Variants in TOMM70 observed in about 807,000 individuals in gnomAD.
TOMM70 encodes the protein mitochondrial import receptor subunit TOM70.
Under a neutral mutation model 73.6 loss-of-function variants are expected in TOMM70, and 13 were observed. That is an observed-to-expected ratio of 0.18 (90% CI 0.11 to 0.28). The LOEUF (loss-of-function observed/expected upper bound fraction) is 0.28. TOMM70 is among the 10% of genes least tolerant of loss of function. The pLI is 1.00. For missense variants in TOMM70, 609 were observed against 747.5 expected, an observed-to-expected ratio of 0.81 and a Z score of 2.16; for synonymous variants, 257 against 271.2, an observed-to-expected ratio of 0.95 and a Z score of 0.51.
chr3:100,385,429 C>A (rs1706680109), intron 3 of TOMM70, among the ~76,000 whole-genome samples: 1 of 152,048 alleles, frequency 6.6e-6, no homozygotes, highest in Non-Finnish European at 1.5e-5. Flanking sequence ...AAAATACCCT[C>A]ATTTGGTAAT....
intron 1 of TOMM70, among the ~76,000 whole-genome samples, chr3:100,387,599 G>GACACAGACACACACACACAC: frequency 8.5e-6 from 1 of 118,216 alleles, no homozygotes; most frequent in East Asian, 2.3e-4. Flanking sequence ...CACAGACACA[G>GACACAGACACACACACACAC]ACACACACAC....
chr3:100,377,698 A>C lies in TOMM70; in HGVS notation c.1092+7T>G. 6.3e-7 allele frequency: 1 copy of C among 1,597,588 alleles called. No individual in the cohort carries two copies. The highest frequency in any genetic ancestry group is 8.6e-7 in the Non-Finnish European group (1 of 1,166,996). On this transcript the variant is annotated splice_region_variant and intron_variant, in intron 6 of 11. Transcript: ENST00000284320. ...AATAATTTCTTCACACACATTTTTTAATGTACCTTCACATTAGCTTCTTTC... is the reference window on the plus strand; with the variant it reads ...AATAATTTCTTCACACACATTTTTTCATGTACCTTCACATTAGCTTCTTTC...
chr3:100,372,900 T>A (rs1218984233), intron 8 of TOMM70, among the ~76,000 whole-genome samples, 178 bp from the exon 9 acceptor site: 1 of 152,166 alleles, frequency 6.6e-6, no homozygotes, highest in Non-Finnish European at 1.5e-5. Context: ...AAAGGTTATG[T>A]ACAACTAGGA....
At position 100,365,691 on chromosome 3, in the gene TOMM70, A is replaced by T. The variant is rs747538701; in HGVS notation, c.1700T>A (p.Met567Lys). 2.5e-6 allele frequency: 4 copies of T among 1,614,182 alleles called. No individual in the cohort carries two copies. The Admixed American group carries it at 6.7e-5, about 27-fold the overall frequency. Residue 567 changes from methionine (M) to lysine (K), a missense_variant, in exon 12 of 12, where the codon ATG becomes AAG. Around this residue, in one of 2 missense-constraint regions of TOMM70, gnomAD observed 432 missense variants for 584.1 expected, o/e 0.74. Transcript: ENST00000284320. ...QRGNMEKAID[M>K]FNKAINLAKS... Reference sequence around the variant, plus strand: ...GGCCAGGTTAATAGCTTTGTTGAACATGTCAATGGCTTTCTCCATGTTTCC... The same window carrying T: ...GGCCAGGTTAATAGCTTTGTTGAACTTGTCAATGGCTTTCTCCATGTTTCC...
rs1440578371 is a variant in TOMM70 at position 100,369,133 on chromosome 3, T to C, written c.1455A>G (p.Ala485=). Residue 485 remains alanine, a splice_region_variant and synonymous_variant, in exon 10 of 12, where the codon GCA becomes GCG. Coordinates refer to ENST00000284320, the MANE Select transcript of TOMM70 (RefSeq NM_014820.5). Reference sequence around the variant, plus strand: ...TACCAAACTGTTGTTGATCTGTTAATGCCTATGTGAGGAGATACTTCAGTT... The same window carrying C: ...TACCAAACTGTTGTTGATCTGTTAACGCCTATGTGAGGAGATACTTCAGTT... ...CAEGYALYAQ[A]LTDQQQFGKA... 1 of 1,610,084 alleles carries C rather than the reference T, an allele frequency of 6.2e-7. No homozygotes were observed.
At chr3:100,384,139 C>T (rs1343568642) in intron 4 of TOMM70, among the ~76,000 whole-genome samples, 2 of 152,228 alleles carry the variant, frequency 1.3e-5, no homozygotes, top group African/African-American at 4.8e-5. Flanking sequence ...AACCACTCAA[C>T]TCCGCTGTTG....
chr3:100,376,474 C>T (rs529623078), intron 6 of TOMM70, among the ~76,000 whole-genome samples: 2 of 151,164 alleles, frequency 1.3e-5, no homozygotes, highest in Admixed American at 1.3e-4. Context: ...GGTGATCCTC[C>T]CATCTCAGCC....
intron 4 of TOMM70, among the ~76,000 whole-genome samples, chr3:100,382,086 C>A (rs1706640389): frequency 6.6e-6 from 1 of 152,154 alleles, no homozygotes; most frequent in African/African-American, 2.4e-5. Flanking sequence ...CCACTGAAAA[C>A]CATACTGAAA....
Position 100,387,643 on chromosome 3 carries a change from C to CTT in TOMM70, c.325-667_325-666dup, listed in dbSNP as rs112940589. On this transcript the variant is annotated intron_variant, in intron 1 of 11. Transcript: ENST00000284320. Reference sequence around the variant, plus strand: ...ACACACACACACACACACGTATATACTTTTTTTTTTTTTCTTGAGACAGGG... The same window carrying CTT: ...ACACACACACACACACACGTATATACTTTTTTTTTTTTTTTCTTGAGACAGGG... Among the ~76,000 whole-genome samples, 157 of 135,552 alleles carry CTT rather than the reference C, an allele frequency of 1.2e-3. 1 individual carries two copies. The highest frequency in any genetic ancestry group is 7.1e-3 in the East Asian group (33 of 4,658). 88.9% of individuals were successfully genotyped at this position (135,552 alleles called of 152,430 possible).
At chr3:100,372,574 G>A (rs374566120) in intron 9 of TOMM70, 32 bp downstream of exon 9, 3 of 1,541,396 alleles carry the variant, frequency 1.9e-6, no homozygotes, top group Non-Finnish European at 1.8e-6. Flanking sequence ...TATGTATGCA[G>A]TTATTTTTAA....
chr3:100,373,115 T>C (rs566191135), intron 8 of TOMM70, among the ~76,000 whole-genome samples: 1 of 150,998 alleles, frequency 6.6e-6, no homozygotes, highest in South Asian at 2.1e-4. Flanking sequence ...ACTGGAAGTA[T>C]CTTATTTTAC....
At chr3:100,387,116 A>G (rs1706700412) in intron 1 of TOMM70, 138 bp from the exon 2 acceptor site, 1 of 853,202 alleles carries the variant, frequency 1.2e-6, no homozygotes, top group African/African-American at 1.7e-5. Context: ...AAATATCTTC[A>G]TGGAATAGAT....
chr3:100,383,272 AG>A (rs1706654814), intron 4 of TOMM70, among the ~76,000 whole-genome samples: 1 of 152,122 alleles, frequency 6.6e-6, no homozygotes, highest in African/African-American at 2.4e-5. Context: ...CTGTAATTCT[AG>A]CACTTTGGGA....
rs1427471304 is a variant in TOMM70, at chr3:100,365,463, C to G, written c.*101G>C. On this transcript the variant is annotated 3_prime_UTR_variant, in exon 12 of 12. Transcript: ENST00000284320. ...AATAACAACACCACAAACAGAAATACTGATTTCCACCATTCAACACAGTTC... is the reference window on the plus strand; with the variant it reads ...AATAACAACACCACAAACAGAAATAGTGATTTCCACCATTCAACACAGTTC... The G allele has an allele frequency of 9.5e-6, 14 of 1,477,306 alleles. No homozygotes were observed. Among genetic ancestry groups the G allele is most frequent in the Non-Finnish European group, 2.7e-6 (3 of 1,091,204 alleles). 91.5% of individuals were successfully genotyped at this position (1,477,306 alleles called of 1,614,324 possible).
At chr3:100,372,773 G>T in intron 8 of TOMM70, 51 bp from the exon 9 acceptor site, 1 of 1,422,886 alleles carries the variant, frequency 7.0e-7, no homozygotes, top group Non-Finnish European at 9.8e-7. Flanking sequence ...AAAACTCATG[G>T]AATGTTAACA....
chr3:100,369,180 T>A (rs1576209631), intron 9 of TOMM70, 45 bp from the exon 10 acceptor site: 3 of 1,351,398 alleles, frequency 2.2e-6, no homozygotes, highest in Non-Finnish European at 3.2e-6. Flanking sequence ...ACCGTCAACC[T>A]AAGCAGTTAA....
At chr3:100,393,511 G>C (rs1421670946) in intron 1 of TOMM70, among the ~76,000 whole-genome samples, 1 of 152,002 alleles carries the variant, frequency 6.6e-6, no homozygotes, top group African/African-American at 2.4e-5. Context: ...TGTACACTTG[G>C]GTGATGAGTG....
intron 1 of TOMM70, among the ~76,000 whole-genome samples, chr3:100,395,388 C>G (rs1477797689): frequency 6.6e-6 from 1 of 150,540 alleles, no homozygotes; most frequent in Non-Finnish European, 1.5e-5. Flanking sequence ...ACAAAAAAAC[C>G]CAAAACAAAC....
At chr3:100,390,898 G>A (rs1706751739) in intron 1 of TOMM70, among the ~76,000 whole-genome samples, 1 of 152,014 alleles carries the variant, frequency 6.6e-6, no homozygotes, top group Non-Finnish European at 1.5e-5. Flanking sequence ...CCAGCACTTT[G>A]GGAGGCTGAG....
Sources: allele counts gnomAD v4.1 joint callset (sites outside exome capture counted in the v4.1 genomes callset), GRCh38; gene constraint gnomAD v4.1.1; regional missense constraint gnomAD v4.1.1; transcripts MANE v1.5; gene names NCBI Gene and HGNC (gene_info 2026-07-23, HGNC 2026-07-21).